SORCS2: variants seen among roughly 807,000 people sequenced by gnomAD.
SORCS2 encodes the protein VPS10 domain-containing receptor SorCS2.
SORCS2 carries 100 observed loss-of-function variants against 141.6 expected under a neutral mutation model. The observed-to-expected ratio is 0.71, with a 90% confidence interval of 0.60 to 0.83. SORCS2 has a LOEUF of 0.83. Ranked by LOEUF, SORCS2 falls within the 40% of genes least tolerant of loss-of-function variation. The pLI, the probability that SORCS2 is intolerant of heterozygous loss-of-function variation, is 0.00. For missense variants in SORCS2, 1,646 were observed against 1,560.2 expected, an observed-to-expected ratio of 1.05 and a Z score of -0.93; for synonymous variants, 789 against 676.9, an observed-to-expected ratio of 1.17 and a Z score of -2.57.
At position 7,193,263 on chromosome 4, in the gene SORCS2, T is replaced by A; in HGVS notation, c.480+137T>A. The A allele has an allele frequency of 1.7e-6, 2 of 1,174,230 alleles. No individual in the cohort carries two copies. Among genetic ancestry groups the A allele is most frequent in the Non-Finnish European group, 2.2e-6 (2 of 916,120 alleles). 72.7% of individuals were successfully genotyped at this position (1,174,230 alleles called of 1,614,324 possible). On this transcript the variant is annotated intron_variant, in intron 1 of 26. Transcript: ENST00000507866. The surrounding 1 kb of genome is among the most constrained non-coding windows in gnomAD (Gnocchi z 4.8). ...GTTCTTGGCGACTTGGGCACTTGGGTCACCTCGGCCGCGCCCCTACTGGCC... is the reference window on the plus strand; with the variant it reads ...GTTCTTGGCGACTTGGGCACTTGGGACACCTCGGCCGCGCCCCTACTGGCC...
At chr4:7,463,717 C>T (rs934237852) in intron 2 of SORCS2, among the ~76,000 whole-genome samples, 1 of 152,188 alleles carries the variant, frequency 6.6e-6, no homozygotes, top group South Asian at 2.1e-4. Flanking sequence ...CTTGGGGAGA[C>T]GGTGGTGCCA....
intron 18 of SORCS2, among the ~76,000 whole-genome samples, chr4:7,719,214 G>A (rs1726410206): frequency 6.6e-6 from 1 of 152,254 alleles, no homozygotes; most frequent in African/African-American, 2.4e-5. Context: ...GGGGTGGGAT[G>A]TTGGTGACAA....
Position 7,661,567 on chromosome 4 carries a change from A to G in SORCS2, c.952+3A>G, listed in dbSNP as rs1722170211. ...GGAAGCCCAAGACCTCGGTGGAGGT[A>G]AGCCGGGCAGTGCACAGGCACCGGG... On this transcript the variant is annotated splice_donor_region_variant and intron_variant, in intron 6 of 26. Transcript: ENST00000507866. 4 of 1,551,592 alleles carry G rather than the reference A, an allele frequency of 2.6e-6. No homozygotes were observed. The highest frequency in any genetic ancestry group is 4.9e-5 in the East Asian group (2 of 40,932).
chr4:7,412,417 G>C (rs1348727057), intron 2 of SORCS2, among the ~76,000 whole-genome samples: 1 of 152,144 alleles, frequency 6.6e-6, no homozygotes, highest in Non-Finnish European at 1.5e-5. Context: ...AGGGGGGTCT[G>C]GCTTCTCTCC....
chr4:7,239,973 G>C (rs1287289580), intron 1 of SORCS2, among the ~76,000 whole-genome samples: 3 of 152,210 alleles, frequency 2.0e-5, no homozygotes, highest in Non-Finnish European at 4.4e-5. Flanking sequence ...TGAGTGTCTC[G>C]TGGTGGCTTC....
intron 3 of SORCS2, among the ~76,000 whole-genome samples, chr4:7,550,964 G>A (rs576730016): frequency 1.3e-5 from 2 of 152,192 alleles, no homozygotes; most frequent in East Asian, 3.9e-4. Context: ...TTTTTGGTAA[G>A]CCCATCTCAT....
At chr4:7,384,037 G>C (rs1723144933) in intron 1 of SORCS2, among the ~76,000 whole-genome samples, 1 of 152,186 alleles carries the variant, frequency 6.6e-6, no homozygotes, top group African/African-American at 2.4e-5. Flanking sequence ...TTCGTTCTTA[G>C]CTCTCTTTAT....
At chr4:7,296,706 C>A (rs948132809) in intron 1 of SORCS2, among the ~76,000 whole-genome samples, 3 of 152,220 alleles carry the variant, frequency 2.0e-5, no homozygotes, top group Non-Finnish European at 4.4e-5. Context: ...GAGGGGTGAA[C>A]AAGTTAATAT....
At chr4:7,329,000 C>G (rs73796644) in intron 1 of SORCS2, among the ~76,000 whole-genome samples, 3 of 152,180 alleles carry the variant, frequency 2.0e-5, no homozygotes, top group African/African-American at 7.2e-5. Flanking sequence ...TGTGGCCCCC[C>G]GAGGCCAGGC....
At chr4:7,395,718 G>A (rs966397735) in intron 1 of SORCS2, among the ~76,000 whole-genome samples, 3 of 152,150 alleles carry the variant, frequency 2.0e-5, no homozygotes, top group Non-Finnish European at 2.9e-5. Flanking sequence ...CAAGAAAAAC[G>A]TGTGTGCGCC....
intron 2 of SORCS2, among the ~76,000 whole-genome samples, chr4:7,457,617 G>A (rs7694518): frequency 0.78 from 117,215 of 151,188 alleles, 45,655 homozygotes; most frequent in East Asian, 0.87. Flanking sequence ...GCCCTAGTGA[G>A]CATTGCAAGC....
At chr4:7,704,310 C>T (rs1183343726) in intron 14 of SORCS2, 26 bp downstream of exon 14, 1 of 1,577,758 alleles carries the variant, frequency 6.3e-7, no homozygotes, top group Non-Finnish European at 8.6e-7. Flanking sequence ...GGGGAGTGGG[C>T]ACTGGTGGCA....
intron 1 of SORCS2, among the ~76,000 whole-genome samples, chr4:7,386,445 AT>A (rs1723325196): frequency 1.0e-5 from 1 of 99,418 alleles, no homozygotes; most frequent in African/African-American, 4.3e-5. Flanking sequence ...GTACACAGAG[AT>A]ACACATGTGC....
At chr4:7,247,505 A>C (rs1479910900) in intron 1 of SORCS2, among the ~76,000 whole-genome samples, 1 of 152,238 alleles carries the variant, frequency 6.6e-6, no homozygotes. Flanking sequence ...GCCAACCATA[A>C]ACGGCATCGT....
chr4:7,297,662 G>A (rs541145593), intron 1 of SORCS2, among the ~76,000 whole-genome samples: 45 of 152,340 alleles, frequency 3.0e-4, no homozygotes, highest in Middle Eastern at 3.4e-3. Context: ...AATGAGAACC[G>A]TGCTCTATGG....
intron 1 of SORCS2, among the ~76,000 whole-genome samples, chr4:7,386,739 A>G (rs1723370993): frequency 9.0e-6 from 1 of 111,310 alleles, no homozygotes; most frequent in South Asian, 3.9e-4. Context: ...ACACATATGC[A>G]CACACATACA....
chr4:7,196,630 T>TC (rs1560449976), intron 1 of SORCS2, among the ~76,000 whole-genome samples: 1 of 16,378 alleles, frequency 6.1e-5, no homozygotes, highest in African/African-American at 2.3e-4. Flanking sequence ...TCCCCTCCCC[T>TC]CCCCCTTCCC....
intron 1 of SORCS2, among the ~76,000 whole-genome samples, chr4:7,267,628 C>T (rs915278657): frequency 3.9e-5 from 6 of 152,174 alleles, no homozygotes; most frequent in East Asian, 1.9e-4. Flanking sequence ...GTCAGGAGTT[C>T]GAGACCAGCC....
chr4:7,242,909 C>T (rs911661332), intron 1 of SORCS2, among the ~76,000 whole-genome samples: 1 of 152,196 alleles, frequency 6.6e-6, no homozygotes, highest in Non-Finnish European at 1.5e-5. Flanking sequence ...GCCCAGGGCT[C>T]AGCACCGGGA....
Sources: gnomAD v4.1 joint callset for allele counts (sites outside exome capture counted in the v4.1 genomes callset) on GRCh38, gnomAD v4.1.1 for gene constraint, Gnocchi (gnomAD v3.1) non-coding constraint, MANE v1.5 for transcripts, NCBI Gene and HGNC (gene_info 2026-07-23, HGNC 2026-07-21) for gene names.